The following ATP2C2 variants were observed in gnomAD, a reference collection of about 807,000 sequenced individuals.
ATP2C2 encodes the protein calcium-transporting ATPase type 2C member 2.
ATP2C2 carries 171 observed loss-of-function variants against 110.8 expected under a neutral mutation model. The observed-to-expected ratio is 1.54, with a 90% CI of 1.36 to 1.75. ATP2C2 has a LOEUF of 1.75. Among genes scored for constraint, ATP2C2 ranks in the 40% most tolerant of loss-of-function variants. The probability of loss-of-function intolerance (pLI) is 0.00; values close to 1 mark genes in which losing one functional copy is unlikely to be tolerated. For missense variants in ATP2C2, 1,963 were observed against 1,235.0 expected (o/e 1.59, Z -8.84); for synonymous variants, 804 against 508.4 (o/e 1.58, Z -7.82).
Position 84,460,715 on chromosome 16 carries a change from A to G in ATP2C2, c.2395A>G (p.Thr799Ala), listed in dbSNP as rs753079793. 41 of 1,614,072 alleles carry G rather than the reference A, an allele frequency of 2.5e-5. No homozygotes were observed. The highest frequency in any genetic ancestry group is 1.0e-4 in the Admixed American group (6 of 60,010). Residue 799 changes from threonine to alanine, a missense_variant, in exon 24 of 27, where the codon ACC becomes GCC. By Grantham distance (58) the Thr-to-Ala change is moderately conservative (BLOSUM62 0). Coordinates refer to ENST00000262429, the MANE Select transcript of ATP2C2 (RefSeq NM_014861.4). ...FRQPPRSVRDTILSRALILKI... is the reference protein window; with the variant it reads ...FRQPPRSVRDAILSRALILKI... ...GCAGCCACCACGGAGTGTGCGGGAC[A>G]CCATCCTCAGCAGAGCCCTCATCCT... is the stretch of plus-strand genomic sequence containing the variant.
chr16:84,390,074 T>G (rs1904560277), intron 1 of ATP2C2, among the ~76,000 whole-genome samples: 1 of 152,198 alleles, frequency 6.6e-6, no homozygotes, highest in Non-Finnish European at 1.5e-5. Flanking sequence ...GTTATACCCT[T>G]AGCCCCCCAC....
intron 4 of ATP2C2, among the ~76,000 whole-genome samples, chr16:84,409,314 G>T (rs1906063207): frequency 6.6e-6 from 1 of 152,164 alleles, no homozygotes; most frequent in Non-Finnish European, 1.5e-5. Context: ...TCAGGGGGCT[G>T]GGGGAGGGAT....
intron 6 of ATP2C2, among the ~76,000 whole-genome samples, chr16:84,413,394 G>T (rs995281336): frequency 6.6e-6 from 1 of 152,084 alleles, no homozygotes; most frequent in Non-Finnish European, 1.5e-5. Context: ...ACCAAATAGG[G>T]ACAAGAAGAG....
intron 4 of ATP2C2, among the ~76,000 whole-genome samples, chr16:84,409,626 G>T (rs1306795269): frequency 1.3e-5 from 2 of 152,038 alleles, no homozygotes; most frequent in African/African-American, 4.8e-5. Flanking sequence ...CTGAGCAGCT[G>T]GGATTACAGG....
chr16:84,401,810 C>T (rs1905340523), intron 2 of ATP2C2, among the ~76,000 whole-genome samples: 1 of 152,066 alleles, frequency 6.6e-6, no homozygotes, highest in Non-Finnish European at 1.5e-5. Flanking sequence ...TTTGGCTATT[C>T]TGGGTCTTTT....
rs528133357 is a variant in ATP2C2, at chr16:84,393,942, G to T, written c.100-4557G>T. Among the ~76,000 whole-genome samples, 12 of 150,564 alleles carry T rather than the reference G, an allele frequency of 8.0e-5. No individual in the cohort carries two copies. In the South Asian group the frequency reaches 2.5e-3, roughly 32 times the overall value. On this transcript the variant is annotated intron_variant, in intron 1 of 26. Transcript: ENST00000262429. ...GGGCCGAGGCAGGTGGATCACTTGA[G>T]TCCAGGGGTTCAAGACCAGCCTGGG...
At chr16:84,460,523 G>C in intron 23 of ATP2C2, 131 bp from the exon 24 acceptor site, 2 of 1,297,040 alleles carry the variant, frequency 1.5e-6, no homozygotes, top group Non-Finnish European at 2.2e-6. Context: ...GCGATGCCTG[G>C]GGGCGTTCAG....
At chr16:84,384,494 T>A (rs1904296366) in intron 1 of ATP2C2, among the ~76,000 whole-genome samples, 1 of 152,228 alleles carries the variant, frequency 6.6e-6, no homozygotes, top group African/African-American at 2.4e-5. Context: ...TCGTTACTGG[T>A]GGGAGTAACT....
chr16:84,443,675 A>G (rs1206971380), intron 15 of ATP2C2, among the ~76,000 whole-genome samples: 1 of 152,022 alleles, frequency 6.6e-6, no homozygotes, highest in Non-Finnish European at 1.5e-5. Context: ...TTGTATTTTC[A>G]GCTTACCTGT....
chr16:84,423,708 C>T (rs1907557417), intron 10 of ATP2C2, among the ~76,000 whole-genome samples: 1 of 152,152 alleles, frequency 6.6e-6, no homozygotes, highest in African/African-American at 2.4e-5. Flanking sequence ...AAGGCATAGA[C>T]CAGGAAGTGG....
intron 14 of ATP2C2, among the ~76,000 whole-genome samples, chr16:84,441,903 A>G (rs992573140): frequency 2.6e-5 from 4 of 152,118 alleles, no homozygotes; most frequent in African/African-American, 9.7e-5. Flanking sequence ...ACCCTGGGTA[A>G]TAGAATGAGA....
chr16:84,459,384 G>A lies in ATP2C2; in HGVS notation c.2331G>A (p.Gln777=). Residue 777 remains glutamine (Q), a splice_region_variant and synonymous_variant, in exon 23 of 27, where the codon CAG becomes CAA. Coordinates refer to ENST00000262429, the MANE Select transcript of ATP2C2 (RefSeq NM_014861.4). ...INIIMDGPPA[Q]SLGVEPVDKD... ...TCATCATGGATGGGCCACCGGCGCA[G>A]AGGTGAGGCAGGGCCGGCTGGGAGC... 6.2e-7 allele frequency: 1 copy of A among 1,613,998 alleles called. No homozygotes were observed. Among genetic ancestry groups the A allele is most frequent in the Non-Finnish European group, 8.5e-7 (1 of 1,179,870 alleles).
intron 24 of ATP2C2, 119 bp downstream of exon 24, chr16:84,460,920 C>T (rs768278334): frequency 5.2e-6 from 7 of 1,357,376 alleles, no homozygotes; most frequent in African/African-American, 1.5e-5. Context: ...TGTACACACA[C>T]CGGACAATGT....
intron 21 of ATP2C2, 147 bp from the exon 22 acceptor site, chr16:84,458,973 C>T: frequency 6.1e-6 from 5 of 824,698 alleles, no homozygotes; most frequent in Admixed American, 2.2e-5. Flanking sequence ...CAAATGTGTC[C>T]CCAAGAATGC....
intron 11 of ATP2C2, among the ~76,000 whole-genome samples, chr16:84,431,124 C>T (rs1908241599): frequency 6.6e-6 from 1 of 152,064 alleles, no homozygotes; most frequent in African/African-American, 2.4e-5. Flanking sequence ...TGAATGTTAA[C>T]AATTTAAGCA....
chr16:84,440,260 G>C (rs537714353), intron 13 of ATP2C2, among the ~76,000 whole-genome samples: 27 of 152,334 alleles, frequency 1.8e-4, no homozygotes, highest in African/African-American at 6.5e-4. Flanking sequence ...AGCCTCCCAA[G>C]TCCTTGCGTG....
At chr16:84,437,851 G>A (rs1908885518) in intron 11 of ATP2C2, among the ~76,000 whole-genome samples, 1 of 152,178 alleles carries the variant, frequency 6.6e-6, no homozygotes, top group Non-Finnish European at 1.5e-5. Flanking sequence ...AAGAAACCCT[G>A]TGCCCTTTAG....
intron 20 of ATP2C2, 59 bp downstream of exon 20, chr16:84,453,430 G>A: frequency 1.9e-6 from 3 of 1,600,430 alleles, no homozygotes; most frequent in South Asian, 2.2e-5. Flanking sequence ...AGACACTGTG[G>A]CTCGAGGAGC....
rs1905657513 is a variant in ATP2C2 at position 84,405,235 on chromosome 16, C to G, written c.318C>G (p.Tyr106Ter). 6.2e-7 allele frequency: 1 copy of G among 1,613,318 alleles called. No homozygotes were observed. Among genetic ancestry groups the G allele is most frequent in the African/African-American group, 1.3e-5 (1 of 75,022 alleles). ...ADNSEPVWKK[Y>*]LDQFKNPLIL... ...ACAGCGAACCTGTGTGGAAGAAATA[C>G]CTGGATCAGGTAGGACCAGAGGTGT... The change falls in exon 3 of 27, where the codon TAC (tyrosine) becomes TAG (stop). Residue 106 changes from tyrosine to a stop codon, truncating the protein, a stop_gained. Transcript: ENST00000262429. LOFTEE classifies it high-confidence loss of function.
Sources: gnomAD v4.1 joint callset for allele counts (sites outside exome capture counted in the v4.1 genomes callset) on GRCh38, gnomAD v4.1.1 for gene constraint, MANE v1.5 for transcripts, NCBI Gene and HGNC (gene_info 2026-07-23, HGNC 2026-07-21) for gene names.